Variants in UPP2 observed in about 807,000 individuals in gnomAD.
UPP2 encodes uridine phosphorylase 2, also known as UPase 2.
Under a neutral mutation model 26.7 loss-of-function variants are expected in UPP2, and 23 were observed. That is an observed-to-expected ratio of 0.86 (90% CI 0.62 to 1.22). The LOEUF (loss-of-function observed/expected upper bound fraction) is 1.22. Ranked by LOEUF, UPP2 falls within the 50% of genes most tolerant of loss-of-function variation. The probability of loss-of-function intolerance (pLI) is 0.00; values close to 1 mark genes in which losing one functional copy is unlikely to be tolerated. For synonymous variants in UPP2, 127 were observed against 141.3 expected (o/e 0.90, Z 0.72); for missense variants, 387 against 396.7 (o/e 0.98, Z 0.21).
chr2:158,135,134 T>A lies in UPP2; in HGVS notation c.*244T>A. The A allele has an allele frequency of 2.6e-6, 1 of 378,378 alleles. No homozygotes were observed. Among genetic ancestry groups the A allele is most frequent in the Admixed American group, 4.8e-5 (1 of 20,958 alleles). 23.4% of individuals were successfully genotyped at this position (378,378 alleles called of 1,614,324 possible). A position where few individuals can be genotyped will look rare whatever the true frequency, so the allele number is the denominator to read the frequency against. On this transcript the variant is annotated 3_prime_UTR_variant, in exon 7 of 7. Coordinates refer to ENST00000005756, the MANE Select transcript of UPP2 (RefSeq NM_173355.4). ...AGTCTAATAATTAAAATTTTAAAACTCCTGGATTATGACATTTGGAGTTTC... is the reference window on the plus strand; with the variant it reads ...AGTCTAATAATTAAAATTTTAAAACACCTGGATTATGACATTTGGAGTTTC...
chr2:158,046,797 G>A (rs1558913694), intron 3 of UPP2, among the ~76,000 whole-genome samples: 1 of 152,240 alleles, frequency 6.6e-6, no homozygotes, highest in East Asian at 1.9e-4. Flanking sequence ...CCAGAAATAA[G>A]CTTAGGGAGT....
intron 3 of UPP2, among the ~76,000 whole-genome samples, chr2:158,092,360 C>T (rs1307000843): frequency 1.3e-5 from 2 of 152,078 alleles, no homozygotes; most frequent in African/African-American, 2.4e-5. Context: ...AAAGAAGAGA[C>T]AGATTACTTA....
At chr2:158,005,804 G>C (rs922351368) in intron 2 of UPP2, among the ~76,000 whole-genome samples, 1 of 152,120 alleles carries the variant, frequency 6.6e-6, no homozygotes, top group Non-Finnish European at 1.5e-5. Flanking sequence ...CAAACTTCAG[G>C]GTCCTGGCCC....
intron 3 of UPP2, among the ~76,000 whole-genome samples, chr2:158,088,848 C>T (rs1682860473): frequency 6.6e-6 from 1 of 152,228 alleles, no homozygotes; most frequent in African/African-American, 2.4e-5. Context: ...TCAGGTCTCC[C>T]TGCTGTAGAT....
intron 3 of UPP2, among the ~76,000 whole-genome samples, chr2:158,029,782 G>T (rs1683896017): frequency 6.6e-6 from 1 of 150,654 alleles, no homozygotes; most frequent in Admixed American, 6.6e-5. Flanking sequence ...TCATATTCTA[G>T]GTCATCTCGT....
intron 3 of UPP2, among the ~76,000 whole-genome samples, chr2:158,036,500 C>T (rs940774819): frequency 2.0e-5 from 3 of 152,146 alleles, no homozygotes; most frequent in Admixed American, 6.5e-5. Flanking sequence ...CTATTGTGTG[C>T]CATGAAAGAT....
chr2:158,069,257 C>G (rs1245574016), intron 3 of UPP2, among the ~76,000 whole-genome samples: 2 of 152,262 alleles, frequency 1.3e-5, no homozygotes, highest in East Asian at 3.9e-4. Context: ...CCATGAGATC[C>G]AAAGTCATCC....
intron 3 of UPP2, among the ~76,000 whole-genome samples, chr2:158,032,209 A>G (rs1683931439): frequency 6.6e-6 from 1 of 152,170 alleles, no homozygotes; most frequent in Admixed American, 6.5e-5. Context: ...GGCTTAGTAG[A>G]AATAAGAACT....
chr2:158,077,954 A>G (rs932303166), intron 3 of UPP2, among the ~76,000 whole-genome samples: 3 of 152,084 alleles, frequency 2.0e-5, no homozygotes, highest in Non-Finnish European at 2.9e-5. Context: ...TAGTATTCCA[A>G]TGAAAACATG....
At position 158,123,880 on chromosome 2, in the gene UPP2, C is replaced by T; in HGVS notation, c.796C>T (p.Leu266Phe). Residue 266 changes from leucine to phenylalanine, a missense_variant, in exon 6 of 7, where the codon CTC becomes TTC. Physicochemically the swap from Leu to Phe is conservative, Grantham distance 22. Coordinates refer to ENST00000005756, the MANE Select transcript of UPP2 (RefSeq NM_173355.4). ...ESTVFAAMCG[L>F]CGLKAAVVCV... ...TACAGTGTTTGCAGCTATGTGTGGACTCTGTGGTCTAAAAGGTAAGCTTTT... is the reference window on the plus strand; with the variant it reads ...TACAGTGTTTGCAGCTATGTGTGGATTCTGTGGTCTAAAAGGTAAGCTTTT... 1 of 1,613,508 alleles carries T rather than the reference C, an allele frequency of 6.2e-7. No individual in the cohort carries two copies. Among genetic ancestry groups the T allele is most frequent in the Non-Finnish European group, 8.5e-7 (1 of 1,179,706 alleles).
chr2:158,134,923 C>T lies in UPP2; in HGVS notation c.*33C>T. 1 of 1,583,466 alleles carries T rather than the reference C, an allele frequency of 6.3e-7. No individual in the cohort carries two copies. The highest frequency in any genetic ancestry group is 1.2e-5 in the South Asian group (1 of 86,326). On this transcript the variant is annotated 3_prime_UTR_variant, in exon 7 of 7. Coordinates refer to ENST00000005756, the MANE Select transcript of UPP2 (RefSeq NM_173355.4). ...AACTGGGCAGCCCAACCCTCCCCTGCAAGTTTGTAGCTCAAGTTGTAATGT... is the reference window on the plus strand; with the variant it reads ...AACTGGGCAGCCCAACCCTCCCCTGTAAGTTTGTAGCTCAAGTTGTAATGT...
chr2:158,113,253 T>G (rs1017322999), intron 2 of UPP2, among the ~76,000 whole-genome samples: 1 of 152,222 alleles, frequency 6.6e-6, no homozygotes, highest in Non-Finnish European at 1.5e-5. Flanking sequence ...TCAATCTGAA[T>G]AGTTGTAATT....
chr2:158,097,026 A>G (rs371041755), upstream of UPP2, among the ~76,000 whole-genome samples: 276 of 152,126 alleles, frequency 1.8e-3, 4 homozygotes, highest in South Asian at 0.025. Context: ...AACATGTTAA[A>G]TTTTTCTGAA....
intron 5 of UPP2, 50 bp downstream of exon 5, chr2:158,121,668 CTT>C (rs1273486383): frequency 6.7e-7 from 1 of 1,487,300 alleles, no homozygotes; most frequent in East Asian, 2.3e-5. Context: ...GCCAGCAACT[CTT>C]TGTTATTCAA....
intron 3 of UPP2, among the ~76,000 whole-genome samples, chr2:158,016,979 G>A (rs1683669717): frequency 6.6e-6 from 1 of 152,132 alleles, no homozygotes; most frequent in Non-Finnish European, 1.5e-5. Context: ...AGATACTATA[G>A]CAGAGGGTCC....
chr2:158,024,090 C>A (rs1446195598), intron 3 of UPP2, among the ~76,000 whole-genome samples: 1 of 152,214 alleles, frequency 6.6e-6, no homozygotes, highest in East Asian at 1.9e-4. Context: ...AGGACTTAGA[C>A]ATTCCAATTC....
chr2:158,073,483 A>G (rs969173907), intron 3 of UPP2, among the ~76,000 whole-genome samples: 1 of 152,208 alleles, frequency 6.6e-6, no homozygotes, highest in Non-Finnish European at 1.5e-5. Flanking sequence ...ATTCAAATAC[A>G]AAAAGGTGAT....
rs188365603 is a variant in UPP2, at chr2:158,052,814, G to C, written c.147+36928G>C. ...CCCAGATAGTAAACATTGGAGGTTT[G>C]TTGGGCCATAATGTCTCAGTCCCAA... is the stretch of plus-strand genomic sequence containing the variant. On this transcript the variant is annotated intron_variant, in intron 3 of 9. Coordinates refer to the UPP2 transcript ENST00000605860. Among the ~76,000 whole-genome samples, 9 of 152,252 alleles carry C rather than the reference G, an allele frequency of 5.9e-5. No homozygotes were observed. In the East Asian group the frequency reaches 9.7e-4, roughly 16 times the overall value.
Position 158,069,313 on chromosome 2 carries a change from T to C in UPP2, c.148-32727T>C, listed in dbSNP as rs150567286. Among the ~76,000 whole-genome samples, 195 of 152,314 alleles carry C rather than the reference T, an allele frequency of 1.3e-3. 1 individual carries two copies. The highest frequency in any genetic ancestry group is 4.5e-3 in the African/African-American group (185 of 41,568). ...TGAAGCTGGGCCATTTAGTTTTCAG[T>C]TGTCAGCTGACACAAGGTTAAGCTA... is the stretch of plus-strand genomic sequence containing the variant. On this transcript the variant is annotated intron_variant, in intron 3 of 9. Coordinates refer to the UPP2 transcript ENST00000605860.
Sources: allele counts gnomAD v4.1 joint callset (sites outside exome capture counted in the v4.1 genomes callset), GRCh38; gene constraint gnomAD v4.1.1; transcripts MANE v1.5; gene names NCBI Gene and HGNC (gene_info 2026-07-23, HGNC 2026-07-21).